CTNNA3: variants seen among roughly 807,000 people sequenced by gnomAD.
The protein encoded by CTNNA3 is catenin alpha-3.
Under a neutral mutation model 95.7 loss-of-function variants are expected in CTNNA3, and 76 were observed. The ratio of observed to expected loss-of-function variants is 0.79; its 90% CI spans 0.66 to 0.96. CTNNA3 has a LOEUF of 0.96. Among genes scored for constraint, CTNNA3 ranks in the 40% least tolerant of loss-of-function variants. The pLI, the probability that CTNNA3 is intolerant of heterozygous loss-of-function variation, is 0.00. For missense variants in CTNNA3, 1,191 were observed against 1,089.8 expected (o/e 1.09, Z -1.31); for synonymous variants, 431 against 374.4 (o/e 1.15, Z -1.74).
In CTNNA3 at chr10:66,520,764, C is replaced by T. The variant is rs762714404; in HGVS notation, c.1384G>A (p.Ala462Thr). The T allele has an allele frequency of 6.2e-7, 1 of 1,612,102 alleles. No homozygotes were observed. Among genetic ancestry groups the T allele is most frequent in the Non-Finnish European group, 8.5e-7 (1 of 1,179,062 alleles). Residue 462 changes from alanine (A) to threonine (T), a missense_variant, in exon 11 of 18, where the codon GCT becomes ACT. Physicochemically the swap from Ala to Thr is moderately conservative, Grantham distance 58. Coordinates refer to ENST00000433211, the MANE Select transcript of CTNNA3 (RefSeq NM_013266.4). ...LETLCPQIIN[A>T]ALALAARPKS... ...GGTCTTGCAGCCAAAGCAAGTGCAG[C>T]ATTAATAATCTATAAAGATAAGGAT...
intron 7 of CTNNA3, among the ~76,000 whole-genome samples, chr10:67,031,261 A>G (rs1329649340): frequency 6.6e-6 from 1 of 152,196 alleles, no homozygotes; most frequent in Admixed American, 6.5e-5. Context: ...AAACTGTTCA[A>G]CATCAAATGA....
intron 12 of CTNNA3, among the ~76,000 whole-genome samples, chr10:66,366,222 T>C (rs1028726051): frequency 2.6e-5 from 4 of 152,150 alleles, no homozygotes; most frequent in African/African-American, 9.7e-5. Flanking sequence ...GCTGAGTCAG[T>C]ACTCATGAGA....
chr10:66,346,236 TATATATATATAGAGAGAGAGAGAGAG>T (rs1194767751), intron 12 of CTNNA3, among the ~76,000 whole-genome samples: 514 of 24,918 alleles, frequency 0.021, 1 homozygote, highest in South Asian at 0.026. Context: ...TATATATATA[TATATATATATAGAGAGAGAGAGAGAG>T]AGAGAGAGAG....
Position 67,059,619 on chromosome 10 carries a change from T to C in CTNNA3, c.1047+120698A>G, listed in dbSNP as rs950792174. Among the ~76,000 whole-genome samples the C allele has an allele frequency of 3.3e-5, 5 of 152,212 alleles. No individual in the cohort carries two copies. In the East Asian group the frequency reaches 9.6e-4, roughly 29 times the overall value. On this transcript the variant is annotated intron_variant, in intron 7 of 17. Coordinates refer to ENST00000433211, the MANE Select transcript of CTNNA3 (RefSeq NM_013266.4). Reference sequence around the variant, plus strand: ...TGATTTCCTTTTTTTAAAGTTGTCATAGTCAGTTTGTTCTGATCTTGAGAA... The same window carrying C: ...TGATTTCCTTTTTTTAAAGTTGTCACAGTCAGTTTGTTCTGATCTTGAGAA...
chr10:67,120,510 C>T (rs1012520813), intron 7 of CTNNA3, among the ~76,000 whole-genome samples: 10 of 151,922 alleles, frequency 6.6e-5, no homozygotes. Context: ...CTTTGCATTT[C>T]ACAAGAAGTT....
rs563573411 is a variant in CTNNA3, at chr10:66,168,527, G to C, written c.1885-65278C>G. 2.6e-5 allele frequency among the ~76,000 whole-genome samples: 4 copies of C among 151,808 alleles called. No homozygotes were observed. The South Asian group carries it at 8.4e-4, about 32-fold the overall frequency. The stretch of plus-strand genomic sequence containing the variant: ...AATAGTAATAGCTATACTCTCCTTT[G>C]CCCGGAATGTTCTTTTAGATTTTCA... On this transcript the variant is annotated intron_variant, in intron 13 of 17. Coordinates refer to ENST00000433211, the MANE Select transcript of CTNNA3 (RefSeq NM_013266.4).
intron 11 of CTNNA3, among the ~76,000 whole-genome samples, chr10:66,464,849 T>A (rs1838840448): frequency 6.6e-6 from 1 of 151,970 alleles, no homozygotes; most frequent in Non-Finnish European, 1.5e-5. Flanking sequence ...CTAATTGGAA[T>A]GGAGAATTTT....
At chr10:66,503,408 C>T (rs1041501942) in intron 11 of CTNNA3, among the ~76,000 whole-genome samples, 3 of 152,048 alleles carry the variant, frequency 2.0e-5, no homozygotes, top group Non-Finnish European at 2.9e-5. Flanking sequence ...TCCCAAAGAG[C>T]ATAGATTTTT....
intron 15 of CTNNA3, among the ~76,000 whole-genome samples, chr10:66,032,746 T>C (rs1275298586): frequency 6.6e-6 from 1 of 152,194 alleles, no homozygotes; most frequent in Non-Finnish European, 1.5e-5. Flanking sequence ...CATATAATCA[T>C]TTGTTTCATG....
chr10:66,860,611 G>A (rs1843879498), intron 7 of CTNNA3, among the ~76,000 whole-genome samples: 1 of 152,106 alleles, frequency 6.6e-6, no homozygotes, highest in Non-Finnish European at 1.5e-5. Context: ...CTCTGTTCCT[G>A]TGTATAAGCG....
chr10:66,238,641 G>A (rs888133675), intron 13 of CTNNA3, among the ~76,000 whole-genome samples: 2 of 151,464 alleles, frequency 1.3e-5, no homozygotes, highest in African/African-American at 4.8e-5. Flanking sequence ...AGAATAATTT[G>A]TATAATCTGA....
intron 16 of CTNNA3, among the ~76,000 whole-genome samples, chr10:65,978,447 C>A (rs772096949): frequency 6.6e-6 from 1 of 150,776 alleles, no homozygotes; most frequent in East Asian, 1.9e-4. Context: ...TTTTTCCTTG[C>A]ACGTGTTGTT....
At chr10:67,053,051 T>C (rs1855209456) in intron 7 of CTNNA3, among the ~76,000 whole-genome samples, 1 of 152,196 alleles carries the variant, frequency 6.6e-6, no homozygotes, top group Non-Finnish European at 1.5e-5. Flanking sequence ...CTATAACACA[T>C]ACAAAAGCTA....
chr10:66,919,011 T>A (rs1273635780), intron 7 of CTNNA3, among the ~76,000 whole-genome samples: 1 of 151,876 alleles, frequency 6.6e-6, no homozygotes. Context: ...GGCAGGCACC[T>A]GTAGTCCCAG....
chr10:67,588,868 G>C (rs993532042), intron 3 of CTNNA3, among the ~76,000 whole-genome samples: 1 of 151,704 alleles, frequency 6.6e-6, no homozygotes, highest in African/African-American at 2.4e-5. Context: ...ATTTTTAAAC[G>C]TTTCAAGAAG....
At chr10:67,097,680 T>C (rs1350326472) in intron 7 of CTNNA3, 1 of 1,612,732 alleles carries the variant, frequency 6.2e-7, no homozygotes, top group South Asian at 1.1e-5. Context: ...CTCCCATAAG[T>C]CCTTTGAAAC....
intron 1 of CTNNA3, among the ~76,000 whole-genome samples, chr10:67,726,363 AATATATG>A (rs1841217006): frequency 2.4e-5 from 1 of 41,618 alleles, no homozygotes; most frequent in Non-Finnish European, 3.6e-5. Flanking sequence ...TATATGATAT[AATATATG>A]ATATTATATA....
intron 12 of CTNNA3, among the ~76,000 whole-genome samples, chr10:66,360,596 CTTCTTTCT>C (rs869161944): frequency 0.011 from 1,044 of 93,962 alleles, 38 homozygotes; most frequent in African/African-American, 0.02. Context: ...GTATTCTTTC[CTTCTTTCT>C]TTCTTTCTTT....
At chr10:67,143,001 G>T (rs2132045757) in intron 7 of CTNNA3, among the ~76,000 whole-genome samples, 1 of 152,258 alleles carries the variant, frequency 6.6e-6, no homozygotes. Context: ...AAATCTTTTT[G>T]ATGGTGGCGG....
Sources: allele counts gnomAD v4.1 joint callset (sites outside exome capture counted in the v4.1 genomes callset), GRCh38; gene constraint gnomAD v4.1.1; transcripts MANE v1.5; gene names NCBI Gene and HGNC (gene_info 2026-07-23, HGNC 2026-07-21).